The following COL4A5 variants were observed in gnomAD, a reference collection of about 807,000 sequenced individuals.
COL4A5 encodes collagen type IV alpha 5 chain.
In COL4A5, 26 loss-of-function variants were observed where a neutral mutation model predicts 130.2. The observed-to-expected ratio is 0.20, with a 90% CI of 0.15 to 0.28. The LOEUF (loss-of-function observed/expected upper bound fraction) is 0.28, where lower values mean the gene tolerates loss of function less well. Among genes scored for constraint, COL4A5 ranks in the 10% least tolerant of loss-of-function variants. The probability of loss-of-function intolerance (pLI) is 1.00; values close to 1 mark genes in which losing one functional copy is unlikely to be tolerated. For missense variants in COL4A5, 1,131 were observed against 1,344.3 expected (o/e 0.84, Z 2.48); for synonymous variants, 496 against 439.6 (o/e 1.13, Z -1.60).
intron 1 of COL4A5, among the ~76,000 whole-genome samples, chrX:108,472,353 T>A (rs933026616): frequency 3.6e-5 from 4 of 112,143 alleles, no homozygotes; most frequent in African/African-American, 1.3e-4. Flanking sequence ...AGGCTTATGA[T>A]GTTGTTCAAG....
intron 22 of COL4A5, among the ~76,000 whole-genome samples, chrX:108,596,389 C>G (rs745954050): frequency 8.9e-6 from 1 of 112,420 alleles, no homozygotes; most frequent in Admixed American, 9.4e-5. Flanking sequence ...CTGAGCCTCA[C>G]TCTCAAAGTT....
intron 47 of COL4A5, 73 bp downstream of exon 47, chrX:108,681,961 G>A (rs1044506574): frequency 1.0e-5 from 10 of 1,002,517 alleles, no homozygotes; most frequent in Non-Finnish European, 1.3e-5. Context: ...GAATGTACAG[G>A]TTTGTTACAT....
At chrX:108,470,186 T>A (rs925391751) in intron 1 of COL4A5, among the ~76,000 whole-genome samples, 1 of 112,458 alleles carries the variant, frequency 8.9e-6, no homozygotes, top group African/African-American at 3.2e-5. Flanking sequence ...CAAGTGGTAG[T>A]CATGTTTTAA....
At chrX:108,633,757 A>T (rs1486497388) in intron 36 of COL4A5, among the ~76,000 whole-genome samples, 2 of 111,997 alleles carry the variant, frequency 1.8e-5, no homozygotes, top group Non-Finnish European at 3.8e-5. Flanking sequence ...TAGAAACTTA[A>T]CAAAGATGAT....
chrX:108,586,586 C>T, intron 18 of COL4A5, 29 bp from the exon 19 acceptor site: 1 of 1,181,322 alleles, frequency 8.5e-7, no homozygotes, highest in East Asian at 3.0e-5. Context: ...CTTTGCATTT[C>T]TTTATTTTTT....
intron 1 of COL4A5, among the ~76,000 whole-genome samples, chrX:108,480,056 G>T (rs1310509772): frequency 8.9e-6 from 1 of 111,790 alleles, no homozygotes; most frequent in East Asian, 2.8e-4. Context: ...CCAAGTGGTA[G>T]AGCAGCTTGC....
intron 17 of COL4A5, 135 bp from the exon 18 acceptor site, chrX:108,584,349 T>G (rs187391292): frequency 1.8e-6 from 1 of 546,077 alleles, no homozygotes; most frequent in African/African-American, 2.4e-5. Context: ...GTTTCATTAC[T>G]TCATGTTGCA....
chrX:108,454,184 T>G (rs1224298813), intron 1 of COL4A5, among the ~76,000 whole-genome samples: 1 of 112,453 alleles, frequency 8.9e-6, no homozygotes, highest in African/African-American at 3.2e-5. Flanking sequence ...AGGCAAAACT[T>G]AGAATCAATG....
intron 2 of COL4A5, among the ~76,000 whole-genome samples, chrX:108,558,842 CA>C (rs1356826703): frequency 9.8e-5 from 11 of 111,731 alleles, no homozygotes; most frequent in African/African-American, 3.6e-4. Flanking sequence ...TTTACTTTTA[CA>C]AGAAAGAAAG....
chrX:108,670,649 A>T (rs1378060923), intron 42 of COL4A5: 3 of 333,328 alleles, frequency 9.0e-6, no homozygotes, highest in Non-Finnish European at 1.7e-5. Flanking sequence ...TCTTGAAAAT[A>T]TGTAATTCTT....
chrX:108,522,817 T>C lies in COL4A5; in HGVS notation c.82-16929T>C, dbSNP rs780667976. Among the ~76,000 whole-genome samples, 3 of 109,016 alleles carry C rather than the reference T, an allele frequency of 2.8e-5. No homozygotes were observed. The East Asian group carries it at 8.6e-4, about 31-fold the overall frequency. 94.7% of individuals were successfully genotyped at this position (109,016 alleles called of 115,157 possible). A position where few individuals can be genotyped will look rare whatever the true frequency, so the allele number is the denominator to read the frequency against. On this transcript the variant is annotated intron_variant, in intron 1 of 52. Coordinates refer to ENST00000328300, the MANE Select transcript of COL4A5 (RefSeq NM_033380.3). ...TAAAATTGTTTTTAACTTTTTTTGT[T>C]ACTTGTACTGTTGCTATAATATCTA... is the stretch of plus-strand genomic sequence containing the variant.
chrX:108,466,793 G>A (rs1270059228), intron 1 of COL4A5, among the ~76,000 whole-genome samples: 1 of 109,371 alleles, frequency 9.1e-6, no homozygotes, highest in Non-Finnish European at 1.9e-5. Context: ...TTTTAGAAAT[G>A]GGGTCTTGCT....
At chrX:108,695,167 C>G in intron 51 of COL4A5, 100 bp from the exon 52 acceptor site, 1 of 1,069,451 alleles carries the variant, frequency 9.4e-7, no homozygotes, top group Non-Finnish European at 1.3e-6. Context: ...TGTTCCTTCA[C>G]TAGATTTGAA....
intron 19 of COL4A5, 88 bp from the exon 20 acceptor site, chrX:108,590,970 G>A: frequency 1.2e-6 from 1 of 855,368 alleles, no homozygotes; most frequent in Non-Finnish European, 1.7e-6. Flanking sequence ...TATGTTAAAG[G>A]AAGATCTTAT....
intron 1 of COL4A5, among the ~76,000 whole-genome samples, chrX:108,495,387 CAG>C (rs775878364): frequency 3.6e-5 from 4 of 111,485 alleles, no homozygotes; most frequent in African/African-American, 1.3e-4. Flanking sequence ...CCTTGTTAAA[CAG>C]AGAATGAAAA....
Position 108,668,515 on chromosome X carries a change from G to A in COL4A5, c.3790+11G>A, listed in dbSNP as rs1320678315. On this transcript the variant is annotated intron_variant, in intron 41 of 52. Transcript: ENST00000328300. Reference sequence around the variant, plus strand: ...CTCCTGGGAGACCAGGTATGTCCGTGAGTGGTAGGAGAATGGTCTATTTAT... The same window carrying A: ...CTCCTGGGAGACCAGGTATGTCCGTAAGTGGTAGGAGAATGGTCTATTTAT... 8.8e-7 allele frequency: 1 copy of A among 1,141,716 alleles called. No homozygotes were observed. Among genetic ancestry groups the A allele is most frequent in the Non-Finnish European group, 1.2e-6 (1 of 859,172 alleles). 94.1% of individuals were successfully genotyped at this position (1,141,716 alleles called of 1,213,427 possible).
intron 1 of COL4A5, among the ~76,000 whole-genome samples, chrX:108,451,475 T>C (rs1483206456): frequency 3.2e-3 from 357 of 112,005 alleles, no homozygotes; most frequent in Non-Finnish European, 5.8e-3. Flanking sequence ...TGTAAAAGTG[T>C]TCGTATTTCT....
Position 108,603,029 on chromosome X carries a change from C to G in COL4A5, c.2212C>G (p.Pro738Ala), listed in dbSNP as rs1469786724. The change falls in exon 28 of 53, where the codon CCT becomes GCT. Residue 738 changes from proline (P) to alanine (A), a missense_variant. Physicochemically the swap from Pro to Ala is conservative, Grantham distance 27 (BLOSUM62 -1). Coordinates refer to ENST00000328300, the MANE Select transcript of COL4A5 (RefSeq NM_033380.3). Reference sequence around the variant, plus strand: ...ACCTGGAAGAATTGGTCTAGAAGGCCCTCCTGGGCCACCCGGCTTTCCAGG... The same window carrying G: ...ACCTGGAAGAATTGGTCTAGAAGGCGCTCCTGGGCCACCCGGCTTTCCAGG... ...GTPGRIGLEG[P>A]PGPPGFPGPK... 8 of 1,186,061 alleles carry G rather than the reference C, an allele frequency of 6.7e-6. No individual in the cohort carries two copies. The highest frequency in any genetic ancestry group is 1.8e-5 in the African/African-American group (1 of 56,448).
intron 16 of COL4A5, 129 bp from the exon 17 acceptor site, chrX:108,582,755 G>T: frequency 2.4e-6 from 1 of 423,725 alleles, no homozygotes. Flanking sequence ...CTTTGGTTAA[G>T]TTCTGAAAGT....
Sources: gnomAD v4.1 joint callset for allele counts (sites outside exome capture counted in the v4.1 genomes callset) on GRCh38, gnomAD v4.1.1 for gene constraint, MANE v1.5 for transcripts, NCBI Gene and HGNC (gene_info 2026-07-23, HGNC 2026-07-21) for gene names.